The following C2orf92 variants were observed in gnomAD, a reference collection of about 807,000 sequenced individuals.
The protein encoded by C2orf92 is uncharacterized protein C2orf92.
At chr2:97,689,895 G>A (rs893805784) in intron 4 of C2orf92, among the ~76,000 whole-genome samples, 14 of 152,242 alleles carry the variant, frequency 9.2e-5, no homozygotes, top group African/African-American at 1.2e-4. Flanking sequence ...TTGGGAGGCC[G>A]AGGTGGGCAG....
At chr2:97,676,422 A>G (rs1407984374) in intron 3 of C2orf92, among the ~76,000 whole-genome samples, 1 of 122,956 alleles carries the variant, frequency 8.1e-6, no homozygotes, top group Non-Finnish European at 1.7e-5. Context: ...CGACAGAGCA[A>G]GACTCCATCT....
chr2:97,665,763 ATATATATAT>A, upstream of C2orf92: 1 of 92,052 alleles, frequency 1.1e-5, no homozygotes, highest in Middle Eastern at 6.3e-3. Flanking sequence ...ATATATATAT[ATATATATAT>A]ATTTTGTTTT....
chr2:97,671,529 A>G, intron 1 of C2orf92: 3 of 398,646 alleles, frequency 7.5e-6, no homozygotes, highest in Non-Finnish European at 1.3e-5. Flanking sequence ...GTGGAACCTC[A>G]GGCTGGATTT....
At position 97,690,278 on chromosome 2, in the gene C2orf92, T is replaced by G. The variant is rs1676085825; in HGVS notation, c.354T>G (p.Ser118=). Residue 118 remains serine (S), a synonymous_variant, in exon 5 of 8, where the codon TCT becomes TCG. Coordinates refer to ENST00000627399, the MANE Select transcript of C2orf92 (RefSeq NM_001351368.2). ...MRKGTSIAWN[S]PKPEYFLGSV... ...AAGGAACCAGCATTGCTTGGAATTCTCCTAAACCAGAATATTTCCTTGGCA... is the reference window on the plus strand; with the variant it reads ...AAGGAACCAGCATTGCTTGGAATTCGCCTAAACCAGAATATTTCCTTGGCA... 1 of 398,958 alleles carries G rather than the reference T, an allele frequency of 2.5e-6. No individual in the cohort carries two copies. 24.7% of individuals were successfully genotyped at this position (398,958 alleles called of 1,614,324 possible). A position where few individuals can be genotyped will look rare whatever the true frequency, so the allele number is the denominator to read the frequency against.
chr2:97,668,967 T>A (rs562626801), upstream of C2orf92: 1 of 151,938 alleles, frequency 6.6e-6, no homozygotes, highest in Non-Finnish European at 1.5e-5. Flanking sequence ...TATAACTCTT[T>A]GTGCAAGTTT....
At chr2:97,670,414 C>G (rs1675376930) in intron 1 of C2orf92, 1 of 151,754 alleles carries the variant, frequency 6.6e-6, no homozygotes, top group South Asian at 2.1e-4. Flanking sequence ...ATCACTTGAG[C>G]CCAAAAAGTC....
upstream of C2orf92, chr2:97,663,955 G>C: frequency 1.2e-6 from 1 of 858,982 alleles, no homozygotes; most frequent in South Asian, 4.1e-5. Flanking sequence ...GCGGGCGGGC[G>C]GGAGGACCGG....
At chr2:97,692,804 G>A (rs1349830989) in intron 5 of C2orf92, among the ~76,000 whole-genome samples, 1 of 152,300 alleles carries the variant, frequency 6.6e-6, no homozygotes, top group African/African-American at 2.4e-5. Flanking sequence ...TTGAATGGTT[G>A]CTGGAGATAC....
chr2:97,675,396 C>T (rs898889879), intron 2 of C2orf92, among the ~76,000 whole-genome samples: 2 of 152,228 alleles, frequency 1.3e-5, no homozygotes, highest in East Asian at 3.8e-4. Flanking sequence ...TTGGCAGATA[C>T]ATTTTGAGGA....
chr2:97,701,494 G>T (rs939806623), intron 7 of C2orf92, among the ~76,000 whole-genome samples, 190 bp downstream of exon 7: 9 of 152,298 alleles, frequency 5.9e-5, no homozygotes, highest in African/African-American at 1.9e-4. Context: ...GCACAGCCTG[G>T]GTGATTCTGA....
intron 3 of C2orf92, among the ~76,000 whole-genome samples, chr2:97,686,155 G>A (rs564592959): frequency 8.5e-5 from 13 of 152,310 alleles, no homozygotes; most frequent in African/African-American, 1.2e-4. Context: ...GGTGGAAAGC[G>A]GAAATGCCAT....
At chr2:97,692,390 T>C (rs904681086) in intron 5 of C2orf92, among the ~76,000 whole-genome samples, 8 of 151,572 alleles carry the variant, frequency 5.3e-5, no homozygotes, top group Non-Finnish European at 8.8e-5. Flanking sequence ...TATACTGTTA[T>C]AGAGATAGTT....
At chr2:97,688,356 C>A (rs974041024) in intron 3 of C2orf92, among the ~76,000 whole-genome samples, 1 of 151,934 alleles carries the variant, frequency 6.6e-6, no homozygotes, top group Non-Finnish European at 1.5e-5. Context: ...TGTGACTTAG[C>A]AAGGAAAGCC....
At chr2:97,699,497 G>C (rs562905809) in intron 6 of C2orf92, among the ~76,000 whole-genome samples, 6 of 152,252 alleles carry the variant, frequency 3.9e-5, no homozygotes, top group African/African-American at 1.4e-4. Flanking sequence ...AGCTACTCGG[G>C]AGGCTGAGGC....
chr2:97,675,677 G>C (rs1675551153), intron 2 of C2orf92, 168 bp from the exon 3 acceptor site: 1 of 396,354 alleles, frequency 2.5e-6, no homozygotes, highest in African/African-American at 2.1e-5. Flanking sequence ...TGGAACTTCA[G>C]ATGCTTGCAG....
chr2:97,697,507 A>G (rs982281962), intron 5 of C2orf92, among the ~76,000 whole-genome samples: 1 of 152,204 alleles, frequency 6.6e-6, no homozygotes, highest in African/African-American at 2.4e-5. Flanking sequence ...GTCTGTGGCT[A>G]TTAATCTGAG....
chr2:97,702,769 CA>C lies in C2orf92; in HGVS notation c.767del (p.Gln256ArgfsTer4), dbSNP rs554047310. The C allele has an allele frequency of 2.8e-4, 110 of 398,910 alleles. No homozygotes were observed. The highest frequency in any genetic ancestry group is 6.3e-4 in the Middle Eastern group (1 of 1,588). 24.7% of individuals were successfully genotyped at this position (398,910 alleles called of 1,614,324 possible). Reference protein sequence around the residue: ...EKNFTKLAKKQKQLKSSSCV With the variant: ...EKNFTKLAKKXKQLKSSSCV ...AAATTTCACAAAACTTGCAAAAAAA[CA>C]GAAACAGTTGAAGAGCAGCTCCTGT... On this transcript the variant is annotated frameshift_variant, in exon 8 of 8. Coordinates refer to ENST00000627399, the MANE Select transcript of C2orf92 (RefSeq NM_001351368.2). LOFTEE classifies it high-confidence loss of function.
intron 3 of C2orf92, among the ~76,000 whole-genome samples, chr2:97,687,354 G>A (rs1374597208): frequency 2.6e-5 from 4 of 152,156 alleles, no homozygotes; most frequent in Admixed American, 6.5e-5. Flanking sequence ...GTGACACAGC[G>A]AGACTTTGTC....
chr2:97,669,559 C>T (rs957486001), upstream of C2orf92: 17 of 374,402 alleles, frequency 4.5e-5, no homozygotes, highest in African/African-American at 3.1e-4. Context: ...ACCAGGGAGC[C>T]GAGGGAAGTG....
Sources: gnomAD v4.1 joint callset for allele counts (sites outside exome capture counted in the v4.1 genomes callset) on GRCh38, gnomAD v4.1.1 for gene constraint, MANE v1.5 for transcripts, NCBI Gene and HGNC (gene_info 2026-07-23, HGNC 2026-07-21) for gene names.